The following LRRTM4 variants were observed in gnomAD, a reference collection of about 807,000 sequenced individuals.
The protein encoded by LRRTM4 is leucine rich repeat transmembrane neuronal 4.
Under a neutral mutation model 47.6 loss-of-function variants are expected in LRRTM4, and 25 were observed. That is an observed-to-expected ratio of 0.53 (90% CI 0.38 to 0.73). The LOEUF (loss-of-function observed/expected upper bound fraction) is 0.73, where lower values mean the gene tolerates loss of function less well. Among genes scored for constraint, LRRTM4 ranks in the 30% least tolerant of loss-of-function variants. The pLI is 0.00. For synonymous variants in LRRTM4, 311 were observed against 269.5 expected, an observed-to-expected ratio of 1.15 and a Z score of -1.51; for missense variants, 638 against 713.4, an observed-to-expected ratio of 0.89 and a Z score of 1.20.
chr2:76,913,887 G>A (rs1674155724), intron 3 of LRRTM4, among the ~76,000 whole-genome samples: 1 of 151,974 alleles, frequency 6.6e-6, no homozygotes, highest in Admixed American at 6.6e-5. Context: ...GAAAATGTAT[G>A]AAATAATCAT....
chr2:77,213,250 CTGCTGGGGAACAT>C (rs1373391212), intron 3 of LRRTM4, among the ~76,000 whole-genome samples: 2 of 152,106 alleles, frequency 1.3e-5, no homozygotes, highest in African/African-American at 4.8e-5. Flanking sequence ...TCTTGTGAGG[CTGCTGGGGAACAT>C]TGCCAAGTTG....
At chr2:77,439,951 T>G (rs1027540151) in intron 3 of LRRTM4, among the ~76,000 whole-genome samples, 1 of 152,214 alleles carries the variant, frequency 6.6e-6, no homozygotes, top group African/African-American at 2.4e-5. Context: ...CCCCAGAGAC[T>G]GTGCCCTTGA....
At chr2:77,439,867 A>G (rs1231747112) in intron 3 of LRRTM4, among the ~76,000 whole-genome samples, 1 of 152,188 alleles carries the variant, frequency 6.6e-6, no homozygotes, top group Non-Finnish European at 1.5e-5. Context: ...TTACAGATGA[A>G]GTAATTGAGA....
chr2:77,383,908 T>C (rs1673157234), intron 3 of LRRTM4, among the ~76,000 whole-genome samples: 2 of 152,138 alleles, frequency 1.3e-5, no homozygotes, highest in Non-Finnish European at 2.9e-5. Context: ...AAGAGAATTC[T>C]GATGCGAGCT....
At chr2:77,322,594 AATGGCTTC>A (rs1388850938) in intron 3 of LRRTM4, among the ~76,000 whole-genome samples, 4 of 151,908 alleles carry the variant, frequency 2.6e-5, no homozygotes, top group African/African-American at 4.8e-5. Context: ...AAGAGTTTGG[AATGGCTTC>A]GGGGGAAAAC....
At chr2:77,087,546 T>C (rs1052211595) in intron 3 of LRRTM4, among the ~76,000 whole-genome samples, 1 of 152,252 alleles carries the variant, frequency 6.6e-6, no homozygotes, top group African/African-American at 2.4e-5. Context: ...TACAGAAATT[T>C]TGCAAATTAC....
intron 3 of LRRTM4, among the ~76,000 whole-genome samples, chr2:77,016,835 G>A (rs1413254089): frequency 6.6e-6 from 1 of 151,550 alleles, no homozygotes; most frequent in Non-Finnish European, 1.5e-5. Context: ...AAACTGATTA[G>A]GAAGCAAGGC....
At chr2:77,248,983 G>T (rs1675526912) in intron 3 of LRRTM4, among the ~76,000 whole-genome samples, 1 of 152,084 alleles carries the variant, frequency 6.6e-6, no homozygotes, top group African/African-American at 2.4e-5. Flanking sequence ...AACTAGGGTT[G>T]GTGATAACTT....
chr2:76,856,650 T>C (rs1441762286), intron 3 of LRRTM4, among the ~76,000 whole-genome samples: 1 of 152,176 alleles, frequency 6.6e-6, no homozygotes, highest in Non-Finnish European at 1.5e-5. Flanking sequence ...TTAAAATAAA[T>C]TACTGCTTAT....
chr2:77,240,205 A>G (rs1675218847), intron 3 of LRRTM4, among the ~76,000 whole-genome samples: 1 of 151,936 alleles, frequency 6.6e-6, no homozygotes, highest in Non-Finnish European at 1.5e-5. Flanking sequence ...AAAATGACAC[A>G]AGGGAAATTA....
At chr2:76,915,543 G>A (rs568515849) in intron 3 of LRRTM4, among the ~76,000 whole-genome samples, 3 of 152,234 alleles carry the variant, frequency 2.0e-5, no homozygotes, top group East Asian at 3.9e-4. Context: ...GGACCTACCC[G>A]ATGTTCTGGG....
At chr2:77,226,670 A>T (rs933261255) in intron 3 of LRRTM4, among the ~76,000 whole-genome samples, 2 of 151,884 alleles carry the variant, frequency 1.3e-5, no homozygotes, top group Admixed American at 6.6e-5. Context: ...GTATTTGTTG[A>T]GCTTAATAAG....
chr2:77,418,620 T>C (rs1202591004), intron 3 of LRRTM4, among the ~76,000 whole-genome samples: 1 of 152,174 alleles, frequency 6.6e-6, no homozygotes, highest in Non-Finnish European at 1.5e-5. Context: ...GCCACCTCAA[T>C]ATCTCTTTCA....
chr2:77,257,815 A>C (rs1450031375), intron 3 of LRRTM4, among the ~76,000 whole-genome samples: 1 of 152,090 alleles, frequency 6.6e-6, no homozygotes, highest in African/African-American at 2.4e-5. Context: ...TTAATGGCAA[A>C]CGACCATGTG....
intron 3 of LRRTM4, among the ~76,000 whole-genome samples, chr2:77,109,667 T>C (rs2103931202): frequency 6.6e-6 from 1 of 152,006 alleles, no homozygotes; most frequent in Admixed American, 6.6e-5. Flanking sequence ...AAAATGATCA[T>C]TGTAAATACA....
At position 76,871,668 on chromosome 2, in the gene LRRTM4, A is replaced by G. The variant is rs191034294; in HGVS notation, c.1552-122752T>C. Among the ~76,000 whole-genome samples the G allele has an allele frequency of 2.0e-5, 3 of 152,346 alleles. No individual in the cohort carries two copies. In the East Asian group the frequency reaches 5.8e-4, roughly 29 times the overall value. On this transcript the variant is annotated intron_variant, in intron 3 of 3. Coordinates refer to ENST00000409884, the MANE Select transcript of LRRTM4 (RefSeq NM_001134745.3). ...GAACTGTCACTTTGTTCTAACTAAT[A>G]GAATACAGAATGATGGGATGTAACT...
intron 3 of LRRTM4, among the ~76,000 whole-genome samples, chr2:76,836,992 A>C (rs1050174513): frequency 6.6e-6 from 1 of 152,128 alleles, no homozygotes; most frequent in African/African-American, 2.4e-5. Context: ...AAGTTACTCA[A>C]ATATTAAGTT....
chr2:76,897,848 T>G (rs75172553), intron 3 of LRRTM4, among the ~76,000 whole-genome samples: 11,188 of 152,174 alleles, frequency 0.074, 910 homozygotes, highest in African/African-American at 0.2. Context: ...CCTGGCCAAT[T>G]AATACTAGCA....
chr2:77,068,820 G>C (rs969294769), intron 3 of LRRTM4, among the ~76,000 whole-genome samples: 2 of 152,194 alleles, frequency 1.3e-5, no homozygotes, highest in African/African-American at 4.8e-5. Flanking sequence ...ACATGTTCAT[G>C]ATGGCCATAA....
Sources: allele counts gnomAD v4.1 joint callset (sites outside exome capture counted in the v4.1 genomes callset), GRCh38; gene constraint gnomAD v4.1.1; transcripts MANE v1.5; gene names NCBI Gene and HGNC (gene_info 2026-07-23, HGNC 2026-07-21).